Variants in GHRH observed in about 807,000 individuals in gnomAD.
The protein encoded by GHRH is somatoliberin.
Under a neutral mutation model 15.6 loss-of-function variants are expected in GHRH, and 7 were observed. The ratio of observed to expected loss-of-function variants is 0.45; its 90% CI spans 0.26 to 0.84. The LOEUF (loss-of-function observed/expected upper bound fraction) is 0.84. GHRH is among the 40% of genes least tolerant of loss of function. The pLI is 0.18. For synonymous variants in GHRH, 54 were observed against 50.4 expected (o/e 1.07, Z -0.30); for missense variants, 117 against 138.0 (o/e 0.85, Z 0.76).
chr20:37,257,025 G>C (rs2068661265), intron 1 of GHRH, 117 bp from the exon 2 acceptor site: 1 of 674,418 alleles, frequency 1.5e-6, no homozygotes, highest in Non-Finnish European at 2.6e-6. Flanking sequence ...TTTGGAAGCT[G>C]TGGGATGGGA....
chr20:37,261,319 A>G (rs1446340593), intron 1 of GHRH, among the ~76,000 whole-genome samples: 1 of 152,216 alleles, frequency 6.6e-6, no homozygotes, highest in Non-Finnish European at 1.5e-5. Context: ...ATTTCCCGGC[A>G]ATTACATTGA....
chr20:37,252,219 C>T (rs985777162), intron 4 of GHRH, among the ~76,000 whole-genome samples: 70 of 152,178 alleles, frequency 4.6e-4, no homozygotes, highest in Non-Finnish European at 1.8e-4. Context: ...GTTGCTGTGC[C>T]GCTAGTTGCA....
At chr20:37,259,175 C>T (rs532157189) in intron 1 of GHRH, among the ~76,000 whole-genome samples, 5 of 152,340 alleles carry the variant, frequency 3.3e-5, no homozygotes, top group African/African-American at 1.2e-4. Flanking sequence ...GGGATCTACC[C>T]CGAGGGCTGG....
chr20:37,256,556 C>A, intron 2 of GHRH, 58 bp from the exon 3 acceptor site: 1 of 1,068,676 alleles, frequency 9.4e-7, no homozygotes, highest in South Asian at 1.4e-5. Flanking sequence ...AGAGGACAGT[C>A]GTGGCTGCAC....
At position 37,256,928 on chromosome 20, in the gene GHRH, G is replaced by A. The variant is rs746879864; in HGVS notation, c.-19-20C>T. 1 of 1,463,068 alleles carries A rather than the reference G, an allele frequency of 6.8e-7. No homozygotes were observed. Among genetic ancestry groups the A allele is most frequent in the South Asian group, 1.2e-5 (1 of 84,422 alleles). The allele number at this position is 1,463,068 out of a possible 1,614,324, so 90.6% of individuals were successfully genotyped here. ...TGGCACCTGCAGAGTGACAGGAGGG[G>A]AAGGTCAGGTACAGCCACAGCCATT... On this transcript the variant is annotated intron_variant, in intron 1 of 4. Coordinates refer to ENST00000373614, the MANE Select transcript of GHRH (RefSeq NM_021081.6).
In GHRH at chr20:37,258,250, C is replaced by T. The variant is rs1248120234; in HGVS notation, c.-19-1342G>A. Among the ~76,000 whole-genome samples the T allele has an allele frequency of 2.0e-5, 3 of 152,158 alleles. No homozygotes were observed. Among genetic ancestry groups the T allele is most frequent in the Non-Finnish European group, 1.5e-5 (1 of 67,992 alleles). ...TCCTCCCATCTCCCATGGGTTTCTC[C>T]CTCTCTCAGCAGGATGTCTACTCCA... On this transcript the variant is annotated intron_variant, in intron 1 of 4. Coordinates refer to ENST00000373614, the MANE Select transcript of GHRH (RefSeq NM_021081.6). The surrounding 1 kb of genome is among the most constrained non-coding windows in gnomAD (Gnocchi z 4.1).
At chr20:37,254,576 C>T (rs2068644759) in intron 3 of GHRH, among the ~76,000 whole-genome samples, 3 of 152,108 alleles carry the variant, frequency 2.0e-5, no homozygotes, top group Non-Finnish European at 4.4e-5. Context: ...GAGGAGAAAC[C>T]TAGCAGACAC....
rs1211791568 is a variant in GHRH, at chr20:37,256,837, T to C, written c.53A>G (p.His18Arg). ...GGTCAAAGGGGGAGGTGGGGAGCAG[T>C]GGGAGCTGTTGCTGAGGGTGAGGAT... ...FVILTLSNSSHCSPPPPLTLR... is the reference protein window; with the variant it reads ...FVILTLSNSSRCSPPPPLTLR... Residue 18 changes from histidine (H) to arginine (R), a missense_variant, in exon 2 of 5, where the codon CAC (histidine) becomes CGC (arginine). Physicochemically the swap from His to Arg is conservative, Grantham distance 29 (BLOSUM62 0). Transcript: ENST00000373614. 3 of 1,613,026 alleles carry C rather than the reference T, an allele frequency of 1.9e-6. No homozygotes were observed. The highest frequency in any genetic ancestry group is 2.5e-6 in the Non-Finnish European group (3 of 1,179,690).
intron 1 of GHRH, among the ~76,000 whole-genome samples, chr20:37,257,202 C>T (rs1315164884): frequency 6.6e-6 from 1 of 152,144 alleles, no homozygotes; most frequent in Non-Finnish European, 1.5e-5. Context: ...GAAATTTCCC[C>T]TTGCCATAAG....
At position 37,256,812 on chromosome 20, in the gene GHRH, G is replaced by T; in HGVS notation, c.78C>A (p.Thr26=). ...TTTCCCCAGGGTCTGCTTACCTGAGGGTCAAAGGGGGAGGTGGGGAGCAGT... is the reference window on the plus strand; with the variant it reads ...TTTCCCCAGGGTCTGCTTACCTGAGTGTCAAAGGGGGAGGTGGGGAGCAGT... The part of the protein sequence containing the change: ...SSHCSPPPPL[T]LRMRRYADAI... The change falls in exon 2 of 5, where the codon ACC becomes ACA. Residue 26 remains threonine, a synonymous_variant. Coordinates refer to ENST00000373614, the MANE Select transcript of GHRH (RefSeq NM_021081.6). 1 of 1,611,690 alleles carries T rather than the reference G, an allele frequency of 6.2e-7. No homozygotes were observed. The highest frequency in any genetic ancestry group is 8.5e-7 in the Non-Finnish European group (1 of 1,178,734).
chr20:37,258,440 G>A lies in GHRH; in HGVS notation c.-19-1532C>T, dbSNP rs1013868094. ...CTGGCAGAACCCACCTTGCTCTCCC[G>A]GCCCTCTCAGGGTATCACCCTCCTT... On this transcript the variant is annotated intron_variant, in intron 1 of 4. Coordinates refer to ENST00000373614, the MANE Select transcript of GHRH (RefSeq NM_021081.6). The surrounding 1 kb of genome is among the most constrained non-coding windows in gnomAD (Gnocchi z 4.1). Among the ~76,000 whole-genome samples, 3 of 152,152 alleles carry A rather than the reference G, an allele frequency of 2.0e-5. No homozygotes were observed. The highest frequency in any genetic ancestry group is 2.9e-5 in the Non-Finnish European group (2 of 68,022).
At chr20:37,252,141 T>C (rs1600869323) in intron 4 of GHRH, among the ~76,000 whole-genome samples, 1 of 152,220 alleles carries the variant, frequency 6.6e-6, no homozygotes, top group Non-Finnish European at 1.5e-5. Flanking sequence ...TTTTGAACTC[T>C]TGTCTTGCGG....
chr20:37,256,317 C>A, intron 3 of GHRH, 77 bp downstream of exon 3: 1 of 862,832 alleles, frequency 1.2e-6, no homozygotes, highest in South Asian at 1.6e-5. Context: ...GAATTGGTCC[C>A]TGGTCCCCTG....
Position 37,258,281 on chromosome 20 carries a change from G to T in GHRH, c.-19-1373C>A, listed in dbSNP as rs544393155. Among the ~76,000 whole-genome samples, 1 of 152,142 alleles carries T rather than the reference G, an allele frequency of 6.6e-6. No homozygotes were observed. Among genetic ancestry groups the T allele is most frequent in the Non-Finnish European group, 1.5e-5 (1 of 68,008 alleles). On this transcript the variant is annotated intron_variant, in intron 1 of 4. Transcript: ENST00000373614. This position sits in a 1 kb window ranked among gnomAD's most constrained non-coding sequence, Gnocchi z 4.1. ...TCAGCAGGATGTCTACTCCATGGGG[G>T]TGTAGATCCATCCAGAAGCCCAGCC...
At chr20:37,251,491 A>G (rs1000565684) in intron 4 of GHRH, among the ~76,000 whole-genome samples, 2 of 151,278 alleles carry the variant, frequency 1.3e-5, no homozygotes, top group Non-Finnish European at 2.9e-5. Flanking sequence ...AGCTTCCTCT[A>G]ATCCCCAGAC....
intron 3 of GHRH, among the ~76,000 whole-genome samples, chr20:37,256,039 G>A (rs2068653844): frequency 6.6e-6 from 1 of 152,096 alleles, no homozygotes; most frequent in Admixed American, 6.6e-5. Context: ...AAAAAAGAAA[G>A]CAAGAAACTA....
chr20:37,252,354 G>A (rs1261886314), intron 4 of GHRH, among the ~76,000 whole-genome samples: 3 of 152,174 alleles, frequency 2.0e-5, no homozygotes, highest in African/African-American at 4.8e-5. Context: ...GTGTCTAATC[G>A]GGTTGGGAAG....
chr20:37,256,633 C>CAGAGTGT (rs2068657757), intron 2 of GHRH, 135 bp from the exon 3 acceptor site: 2 of 724,140 alleles, frequency 2.8e-6, no homozygotes, highest in Admixed American at 2.6e-5. Flanking sequence ...GACTCAGACC[C>CAGAGTGT]CTCTGAGTGA....
chr20:37,258,187 C>T lies in GHRH; in HGVS notation c.-19-1279G>A, dbSNP rs1315712040. ...CCAGACCTGCCCAAGCATGGAAACA[C>T]GGCTGGCCTCGGGGGACTTGGCCAC... is the stretch of plus-strand genomic sequence containing the variant. On this transcript the variant is annotated intron_variant, in intron 1 of 4. Coordinates refer to ENST00000373614, the MANE Select transcript of GHRH (RefSeq NM_021081.6). This position sits in a 1 kb window ranked among gnomAD's most constrained non-coding sequence, Gnocchi z 4.1. Among the ~76,000 whole-genome samples the T allele has an allele frequency of 1.3e-5, 2 of 152,342 alleles. No individual in the cohort carries two copies. Among genetic ancestry groups the T allele is most frequent in the South Asian group, 2.1e-4 (1 of 4,832 alleles).
Sources: gnomAD v4.1 joint callset for allele counts (sites outside exome capture counted in the v4.1 genomes callset) on GRCh38, gnomAD v4.1.1 for gene constraint, Gnocchi (gnomAD v3.1) non-coding constraint, MANE v1.5 for transcripts, NCBI Gene and HGNC (gene_info 2026-07-23, HGNC 2026-07-21) for gene names.